VRK3: variants seen among roughly 807,000 people sequenced by gnomAD.
The protein encoded by VRK3 is VRK serine/threonine kinase 3.
VRK3 carries 50 observed loss-of-function variants against 60.4 expected under a neutral mutation model. That is an observed-to-expected ratio of 0.83 (90% CI 0.66 to 1.05). The LOEUF is 1.05. Ranked by LOEUF, VRK3 falls within the 50% of genes least tolerant of loss-of-function variation. The probability of loss-of-function intolerance (pLI) is 0.00; values close to 1 mark genes in which losing one functional copy is unlikely to be tolerated. For synonymous variants in VRK3, 246 were observed against 227.8 expected, an observed-to-expected ratio of 1.08 and a Z score of -0.72; for missense variants, 549 against 585.3, an observed-to-expected ratio of 0.94 and a Z score of 0.64.
At position 50,006,059 on chromosome 19, in the gene VRK3, G is replaced by A. The variant is rs545371055; in HGVS notation, c.547+1510C>T. Among the ~76,000 whole-genome samples, 4 of 149,266 alleles carry A rather than the reference G, an allele frequency of 2.7e-5. No individual in the cohort carries two copies. The East Asian group carries it at 5.8e-4, about 22-fold the overall frequency. The stretch of plus-strand genomic sequence containing the variant: ...CCAGCACTTTGGGAGGCTGAGGTAG[G>A]TGGATCACTTGAGGTCAGCTGTTCG... On this transcript the variant is annotated intron_variant, in intron 5 of 14. Transcript: ENST00000316763.
chr19:50,007,006 C>A (rs1466324), intron 5 of VRK3, among the ~76,000 whole-genome samples: 49,878 of 151,932 alleles, frequency 0.33, 8,864 homozygotes, highest in East Asian at 0.74. Context: ...AACCCTGAGC[C>A]CAGCCCCACC....
chr19:50,015,916 T>C, intron 3 of VRK3, 108 bp downstream of exon 3: 4 of 1,484,594 alleles, frequency 2.7e-6, no homozygotes, highest in Non-Finnish European at 3.7e-6. Context: ...GCTTCTCCAG[T>C]GTCAGGACAG....
intron 5 of VRK3, among the ~76,000 whole-genome samples, chr19:50,003,969 G>C (rs2076852172): frequency 6.6e-6 from 1 of 152,260 alleles, no homozygotes; most frequent in South Asian, 2.1e-4. Flanking sequence ...GGGAGGCAGA[G>C]GCAGGAGGAT....
chr19:49,978,429 G>C (rs1196080221), intron 14 of VRK3: 1 of 152,338 alleles, frequency 6.6e-6, no homozygotes, highest in African/African-American at 2.4e-5. Flanking sequence ...TTTACACAAA[G>C]TGCTGATGGA....
At chr19:49,991,561 C>A (rs1020886494) in intron 10 of VRK3, among the ~76,000 whole-genome samples, 1 of 148,938 alleles carries the variant, frequency 6.7e-6, no homozygotes, top group Non-Finnish European at 1.5e-5. Context: ...CCTGCCAGTT[C>A]TGTTTCTCTG....
chr19:50,003,866 G>A (rs1282437926), intron 5 of VRK3, among the ~76,000 whole-genome samples: 1 of 152,198 alleles, frequency 6.6e-6, no homozygotes, highest in Non-Finnish European at 1.5e-5. Flanking sequence ...TGTCTGTGCT[G>A]GCACCGCGGC....
At position 49,979,077 on chromosome 19, in the gene VRK3, T is replaced by C; in HGVS notation, c.*11+6A>G. 2 of 1,593,350 alleles carry C rather than the reference T, an allele frequency of 1.3e-6. No individual in the cohort carries two copies. Among genetic ancestry groups the C allele is most frequent in the Non-Finnish European group, 1.7e-6 (2 of 1,167,680 alleles). On this transcript the variant is annotated splice_donor_region_variant and intron_variant, in intron 14 of 14. Coordinates refer to ENST00000316763, the MANE Select transcript of VRK3 (RefSeq NM_016440.4). ...GAGAGGCTTAAGCCTCACAAGCTCT[T>C]CCCACCTGGATTCCACCTAGGGCAC...
intron 1 of VRK3, among the ~76,000 whole-genome samples, chr19:50,021,867 C>T (rs988459770): frequency 3.3e-5 from 5 of 152,246 alleles, no homozygotes; most frequent in Non-Finnish European, 7.3e-5. Flanking sequence ...GTATTATCTA[C>T]AGAACCTTCC....
chr19:50,012,769 G>A (rs926163229), intron 3 of VRK3, among the ~76,000 whole-genome samples: 1 of 152,160 alleles, frequency 6.6e-6, no homozygotes, highest in African/African-American at 2.4e-5. Context: ...CAGCTACTAC[G>A]GAGGCTGAGG....
chr19:49,988,205 G>T, intron 12 of VRK3, 167 bp downstream of exon 12: 1 of 1,044,436 alleles, frequency 9.6e-7, no homozygotes, highest in Non-Finnish European at 1.3e-6. Flanking sequence ...CACCTGCCTC[G>T]CCTGCTGTGT....
At chr19:50,007,465 C>G in intron 5 of VRK3, 104 bp downstream of exon 5, 1 of 1,526,058 alleles carries the variant, frequency 6.6e-7, no homozygotes, top group Non-Finnish European at 8.9e-7. Context: ...GACAGGTCTG[C>G]AGCTAGGGAT....
At chr19:50,004,780 C>T (rs1274423271) in intron 5 of VRK3, among the ~76,000 whole-genome samples, 1 of 151,928 alleles carries the variant, frequency 6.6e-6, no homozygotes, top group African/African-American at 2.4e-5. Flanking sequence ...CGTGGTGGCG[C>T]CTGCCTGTAG....
At position 50,007,804 on chromosome 19, in the gene VRK3, G is replaced by A. The variant is rs773231770; in HGVS notation, c.312C>T (p.Thr104=). The change falls in exon 5 of 15, where the codon ACC becomes ACT. Residue 104 remains threonine, a synonymous_variant. Coordinates refer to ENST00000316763, the MANE Select transcript of VRK3 (RefSeq NM_016440.4). Reference sequence around the variant, plus strand: ...TGGTCTTCTGAGGGCTGCTTTTGGGGGTTGGGGGTCTGCTCCCGGAGCCTG... The same window carrying A: ...TGGTCTTCTGAGGGCTGCTTTTGGGAGTTGGGGGTCTGCTCCCGGAGCCTG... The part of the protein sequence containing the change: ...RSKGSGSRPP[T]PKSSPQKTRK... 10 of 1,614,224 alleles carry A rather than the reference G, an allele frequency of 6.2e-6. No homozygotes were observed. The South Asian group carries it at 8.8e-5, about 14-fold the overall frequency.
intron 13 of VRK3, 84 bp from the exon 14 acceptor site, chr19:49,979,326 A>G: frequency 6.3e-7 from 1 of 1,592,734 alleles, no homozygotes; most frequent in Non-Finnish European, 8.6e-7. Flanking sequence ...CCAAGGATGG[A>G]GGGGTGGGGG....
At chr19:49,978,116 G>GA (rs2076362205) in intron 14 of VRK3, among the ~76,000 whole-genome samples, 1 of 152,196 alleles carries the variant, frequency 6.6e-6, no homozygotes, top group South Asian at 2.1e-4. Context: ...GGGGCCGGGG[G>GA]ATTCTTTGTG....
chr19:49,995,490 T>C (rs1441704163), intron 7 of VRK3, among the ~76,000 whole-genome samples: 1 of 152,106 alleles, frequency 6.6e-6, no homozygotes, highest in Non-Finnish European at 1.5e-5. Flanking sequence ...CTGCAGGTGA[T>C]GGGGTGATCA....
At chr19:49,997,983 C>T (rs59151138) in intron 6 of VRK3, 8,003 of 155,074 alleles carry the variant, frequency 0.052, 692 homozygotes, top group African/African-American at 0.18. Flanking sequence ...CTGGCTGCAA[C>T]GCAGATGTGA....
chr19:50,016,062 G>T lies in VRK3; in HGVS notation c.101C>A (p.Ser34Tyr). ...CACATGTGGATTGACAAAGGTCTGGGACCCTACATGCTCCTCTACAGGCAA... is the reference window on the plus strand; with the variant it reads ...CACATGTGGATTGACAAAGGTCTGGTACCCTACATGCTCCTCTACAGGCAA... ...NSLPVEEHVG[S>Y]QTFVNPHVSS... Residue 34 changes from serine to tyrosine, a missense_variant, in exon 3 of 15, where the codon TCC (serine) becomes TAC (tyrosine). Ser to Tyr is a moderately radical substitution (Grantham distance 144). Coordinates refer to ENST00000316763, the MANE Select transcript of VRK3 (RefSeq NM_016440.4). 6.2e-7 allele frequency: 1 copy of T among 1,614,176 alleles called. No homozygotes were observed. Among genetic ancestry groups the T allele is most frequent in the South Asian group, 1.1e-5 (1 of 91,080 alleles).
intron 12 of VRK3, chr19:49,988,047 T>A (rs566930179): frequency 9.6e-6 from 2 of 208,970 alleles, no homozygotes; most frequent in East Asian, 1.1e-4. Flanking sequence ...AAGTGCTGTG[T>A]GCACCTGACT....
Sources: allele counts gnomAD v4.1 joint callset (sites outside exome capture counted in the v4.1 genomes callset), GRCh38; gene constraint gnomAD v4.1.1; transcripts MANE v1.5; gene names NCBI Gene and HGNC (gene_info 2026-07-23, HGNC 2026-07-21).